Variants in SORCS2 observed in about 807,000 individuals in gnomAD.
The protein encoded by SORCS2 is VPS10 domain-containing receptor SorCS2.
In SORCS2, 100 loss-of-function variants were observed where a neutral mutation model predicts 141.6. That is an observed-to-expected ratio of 0.71 (90% CI 0.60 to 0.83). The LOEUF (loss-of-function observed/expected upper bound fraction) is 0.83. SORCS2 is among the 40% of genes least tolerant of loss of function. The pLI is 0.00. For missense variants in SORCS2, 1,646 were observed against 1,560.2 expected, an observed-to-expected ratio of 1.05 and a Z score of -0.93; for synonymous variants, 789 against 676.9, an observed-to-expected ratio of 1.17 and a Z score of -2.57.
intron 17 of SORCS2, among the ~76,000 whole-genome samples, chr4:7,716,144 G>A (rs368474272): frequency 1.7e-4 from 26 of 152,340 alleles, no homozygotes; most frequent in East Asian, 1.4e-3. Flanking sequence ...AACGTGCTCC[G>A]TCAGAAAGTC....
chr4:7,665,929 A>C (rs1009078291), intron 7 of SORCS2, among the ~76,000 whole-genome samples: 1 of 152,158 alleles, frequency 6.6e-6, no homozygotes, highest in Admixed American at 6.5e-5. Flanking sequence ...GCAAGAGGGA[A>C]CACATGCCCT....
At chr4:7,296,903 GC>G (rs1205474410) in intron 1 of SORCS2, among the ~76,000 whole-genome samples, 1 of 152,162 alleles carries the variant, frequency 6.6e-6, no homozygotes, top group African/African-American at 2.4e-5. Context: ...GCCCCCTCTG[GC>G]CAAGGTCCGC....
chr4:7,740,790 C>A lies in SORCS2; in HGVS notation c.*526C>A. ...AACACCACACCACCCTCCAGGCCCCCCTGCCCTCCGGCTGGAAACTGCAGC... is the reference window on the plus strand; with the variant it reads ...AACACCACACCACCCTCCAGGCCCCACTGCCCTCCGGCTGGAAACTGCAGC... On this transcript the variant is annotated 3_prime_UTR_variant, in exon 27 of 27. Coordinates refer to ENST00000507866, the MANE Select transcript of SORCS2 (RefSeq NM_020777.3). The A allele has an allele frequency of 5.6e-6, 2 of 358,886 alleles. No individual in the cohort carries two copies. The highest frequency in any genetic ancestry group is 9.9e-6 in the Non-Finnish European group (2 of 201,320). The allele number at this position is 358,886 out of a possible 1,614,324, so 22.2% of individuals were successfully genotyped here.
In SORCS2 at chr4:7,561,572, C is replaced by A. The variant is rs1255052011; in HGVS notation, c.648+29943C>A. Among the ~76,000 whole-genome samples the A allele has an allele frequency of 2.2e-5, 3 of 138,682 alleles. No homozygotes were observed. In the South Asian group the frequency reaches 6.8e-4, roughly 31 times the overall value. 91.0% of individuals were successfully genotyped at this position (138,682 alleles called of 152,430 possible). A position where few individuals can be genotyped will look rare whatever the true frequency, so the allele number is the denominator to read the frequency against. ...TGCATCTACCTATTCATCTACCTACCAATCCATCTATCCATTCATCCATCT... is the reference window on the plus strand; with the variant it reads ...TGCATCTACCTATTCATCTACCTACAAATCCATCTATCCATTCATCCATCT... On this transcript the variant is annotated intron_variant, in intron 3 of 26. Transcript: ENST00000507866.
At chr4:7,335,279 C>T (rs1220342178) in intron 1 of SORCS2, among the ~76,000 whole-genome samples, 2 of 152,324 alleles carry the variant, frequency 1.3e-5, no homozygotes, top group East Asian at 3.9e-4. Context: ...TGTCTTTGTA[C>T]AAGTCTCCCC....
chr4:7,445,258 C>T (rs1388459318), intron 2 of SORCS2, among the ~76,000 whole-genome samples: 2 of 152,226 alleles, frequency 1.3e-5, no homozygotes, highest in South Asian at 2.1e-4. Context: ...AGGGCCAGAC[C>T]TGAGGAGCAA....
At chr4:7,712,139 G>A (rs59843889) in intron 14 of SORCS2, among the ~76,000 whole-genome samples, 3,166 of 152,240 alleles carry the variant, frequency 0.021, 113 homozygotes, top group African/African-American at 0.072. Context: ...ACCCACCTAG[G>A]CTGCGACGGG....
At chr4:7,362,860 C>T (rs1721666067) in intron 1 of SORCS2, among the ~76,000 whole-genome samples, 1 of 151,468 alleles carries the variant, frequency 6.6e-6, no homozygotes. Context: ...CCATCATCAC[C>T]ACCACCATCA....
intron 2 of SORCS2, among the ~76,000 whole-genome samples, chr4:7,397,305 G>A (rs574678662): frequency 2.6e-5 from 4 of 152,236 alleles, no homozygotes; most frequent in African/African-American, 9.6e-5. Flanking sequence ...CTGGAGTTGG[G>A]TTCTTTCTTT....
chr4:7,612,695 C>G (rs1215163097), intron 3 of SORCS2, among the ~76,000 whole-genome samples: 1 of 152,240 alleles, frequency 6.6e-6, no homozygotes, highest in African/African-American at 2.4e-5. Context: ...TGGAAGGGAT[C>G]AATGTCAATA....
In SORCS2 at chr4:7,649,957, A is replaced by G. The variant is rs975991131; in HGVS notation, c.814-4177A>G. Among the ~76,000 whole-genome samples, 5 of 152,290 alleles carry G rather than the reference A, an allele frequency of 3.3e-5. No individual in the cohort carries two copies. In the East Asian group the frequency reaches 9.7e-4, roughly 29 times the overall value. ...AGTTGTGGCGGCCCTCAGAGCCAGC[A>G]GATGTGGCCTCTGATCCTGGCGGCT... On this transcript the variant is annotated intron_variant, in intron 4 of 26. Coordinates refer to ENST00000507866, the MANE Select transcript of SORCS2 (RefSeq NM_020777.3).
intron 2 of SORCS2, among the ~76,000 whole-genome samples, chr4:7,510,539 C>T (rs1032984749): frequency 1.2e-4 from 18 of 152,236 alleles, no homozygotes; most frequent in Admixed American, 6.5e-5. Context: ...AGGGGCAGTG[C>T]CCTGTTCTGT....
At chr4:7,368,498 C>A (rs1279442718) in intron 1 of SORCS2, among the ~76,000 whole-genome samples, 1 of 152,182 alleles carries the variant, frequency 6.6e-6, no homozygotes, top group Non-Finnish European at 1.5e-5. Flanking sequence ...TGGGTCCCCC[C>A]AGCAGCCAGC....
At chr4:7,221,560 G>A (rs1728707690) in intron 1 of SORCS2, among the ~76,000 whole-genome samples, 1 of 151,738 alleles carries the variant, frequency 6.6e-6, no homozygotes, top group Admixed American at 6.5e-5. Flanking sequence ...TGCAGCCACA[G>A]GGATGTCGGG....
intron 11 of SORCS2, 48 bp downstream of exon 11, chr4:7,689,636 A>C (rs369781238): frequency 6.6e-7 from 1 of 1,504,108 alleles, no homozygotes; most frequent in Non-Finnish European, 9.0e-7. Context: ...TTACAGCCCA[A>C]GAGTACCTCC....
chr4:7,258,063 G>A (rs1250219492), intron 1 of SORCS2, among the ~76,000 whole-genome samples: 2 of 152,250 alleles, frequency 1.3e-5, no homozygotes, highest in Non-Finnish European at 2.9e-5. Flanking sequence ...GTGGCTTCCA[G>A]CAGGGGCGGA....
chr4:7,367,934 TG>T (rs748710316), intron 1 of SORCS2, among the ~76,000 whole-genome samples: 16 of 152,210 alleles, frequency 1.1e-4, no homozygotes, highest in Non-Finnish European at 1.8e-4. Flanking sequence ...CAGTGCTGTG[TG>T]TCAGCCTGGG....
At chr4:7,336,975 G>C (rs1396375414) in intron 1 of SORCS2, among the ~76,000 whole-genome samples, 1 of 152,172 alleles carries the variant, frequency 6.6e-6, no homozygotes, top group Non-Finnish European at 1.5e-5. Context: ...CTTTCAGCGC[G>C]GTGGTGAGGA....
rs193177276 is a variant in SORCS2 at position 7,736,974 on chromosome 4, A to T, written c.3312-95A>T. The T allele has an allele frequency of 2.4e-4, 355 of 1,485,648 alleles. 1 individual carries two copies. In the African/African-American group the frequency reaches 4.3e-3, roughly 18 times the overall value. The allele number at this position is 1,485,648 out of a possible 1,614,324, so 92.0% of individuals were successfully genotyped here. On this transcript the variant is annotated intron_variant, in intron 25 of 26. Transcript: ENST00000507866. The stretch of plus-strand genomic sequence containing the variant: ...TGGAGTGCTGTGGGCACCGTGCACC[A>T]CACTCGGTGTGGTCAGGCGGCCAGC...
Sources: allele counts gnomAD v4.1 joint callset (sites outside exome capture counted in the v4.1 genomes callset), GRCh38; gene constraint gnomAD v4.1.1; transcripts MANE v1.5; gene names NCBI Gene and HGNC (gene_info 2026-07-23, HGNC 2026-07-21).